The following COPE variants were observed in gnomAD, a reference collection of about 807,000 sequenced individuals.
The protein encoded by COPE is coat protein complex I subunit epsilon.
Under a neutral mutation model 42.1 loss-of-function variants are expected in COPE, and 19 were observed. That is an observed-to-expected ratio of 0.45 (90% confidence interval 0.31 to 0.66). The LOEUF (loss-of-function observed/expected upper bound fraction) is 0.66, where lower values mean the gene tolerates loss of function less well. Ranked by LOEUF, COPE falls within the 30% of genes least tolerant of loss-of-function variation. The pLI is 0.05. For synonymous variants in COPE, 195 were observed against 181.3 expected, an observed-to-expected ratio of 1.08 and a Z score of -0.60; for missense variants, 402 against 416.1, an observed-to-expected ratio of 0.97 and a Z score of 0.30.
intron 1 of COPE, among the ~76,000 whole-genome samples, chr19:18,915,624 G>A (rs2056847881): frequency 6.6e-6 from 1 of 152,218 alleles, no homozygotes; most frequent in South Asian, 2.1e-4. Flanking sequence ...GCCCTAGGAT[G>A]GCCCCAGCAC....
intron 7 of COPE, 133 bp from the exon 8 acceptor site, chr19:18,900,582 G>A (rs528311384): frequency 3.2e-4 from 205 of 636,088 alleles, no homozygotes; most frequent in Non-Finnish European, 5.2e-4. Context: ...ACCGCCCACC[G>A]CTCTGCAAGG....
At chr19:18,915,428 G>T (rs2056846262) in intron 1 of COPE, among the ~76,000 whole-genome samples, 1 of 152,364 alleles carries the variant, frequency 6.6e-6, no homozygotes, top group East Asian at 1.9e-4. Context: ...TGCAGACCGT[G>T]ACCCTGACGT....
chr19:18,910,604 ACTGATGGGAGGGCC>A (rs1304233161), intron 3 of COPE: 1 of 220,608 alleles, frequency 4.5e-6, no homozygotes, highest in Non-Finnish European at 9.3e-6. Context: ...AAATAAGAAA[ACTGATGGGAGGGCC>A]CTGCCCCCGC....
chr19:18,906,649 G>C (rs1180662915), intron 4 of COPE: 1 of 270,746 alleles, frequency 3.7e-6, no homozygotes, highest in African/African-American at 2.2e-5. Flanking sequence ...CCAGGGCCGA[G>C]ACACAGAAGG....
chr19:18,916,944 CAA>C (rs34497308), intron 1 of COPE, among the ~76,000 whole-genome samples: 4,462 of 68,620 alleles, frequency 0.065, 49 homozygotes, highest in East Asian at 0.14. Flanking sequence ...GATCCTGTCT[CAA>C]AAAAAAAAAA....
chr19:18,899,583 C>A lies in COPE; in HGVS notation c.*96G>T, dbSNP rs949124667. On this transcript the variant is annotated 3_prime_UTR_variant, in exon 10 of 10. Coordinates refer to ENST00000262812, the MANE Select transcript of COPE (RefSeq NM_007263.4). ...GGTGCTGGGGGTGGGCTCCTGCCCC[C>A]AGAGGGGATGCAGGTGGATGCCGGG... The A allele has an allele frequency of 2.6e-5, 35 of 1,368,036 alleles. No homozygotes were observed. The South Asian group carries it at 4.0e-4, about 16-fold the overall frequency. 84.7% of individuals were successfully genotyped at this position (1,368,036 alleles called of 1,614,324 possible).
Position 18,911,017 on chromosome 19 carries a change from G to A in COPE, c.244C>T (p.Gln82Ter). 1 of 1,613,984 alleles carries A rather than the reference G, an allele frequency of 6.2e-7. No homozygotes were observed. The highest frequency in any genetic ancestry group is 2.2e-5 in the East Asian group (1 of 44,874). The change falls in exon 3 of 10, where the codon CAG becomes TAG. Residue 82 changes from glutamine to a stop codon, truncating the protein, a stop_gained. Coordinates refer to ENST00000262812, the MANE Select transcript of COPE (RefSeq NM_007263.4). LOFTEE classifies it high-confidence loss of function. ...TAGTCAGCAAACATGCGCACGGCCT[G>A]GAGCTCAGGGGCCGAGGAGGGCTTG... ...EIKPSSAPEL[Q>*]AVRMFADYLA...
intron 9 of COPE, 62 bp from the exon 10 acceptor site, chr19:18,899,788 G>A: frequency 6.2e-7 from 1 of 1,611,042 alleles, no homozygotes; most frequent in Non-Finnish European, 8.5e-7. Flanking sequence ...GGTGGAGGGA[G>A]AGAGAGAGGG....
In COPE at chr19:18,903,420, C is replaced by G. The variant is rs1163188456; in HGVS notation, c.583G>C (p.Gly195Arg). ...TAGTAGGCATCCTGCAGCTTCTCAC[C>G]ACCCTGCAGGGAGGGTCCCGCATCA... ...ATAWVSLATG[G>R]EKLQDAYYIF... Residue 195 changes from glycine (G) to arginine (R), a missense_variant, in exon 7 of 10, where the codon GGT becomes CGT. Coordinates refer to ENST00000262812, the MANE Select transcript of COPE (RefSeq NM_007263.4). 1.2e-6 allele frequency: 2 copies of G among 1,606,916 alleles called. No individual in the cohort carries two copies. Among genetic ancestry groups the G allele is most frequent in the East Asian group, 4.5e-5 (2 of 44,584 alleles).
chr19:18,907,151 G>A (rs1438028094), intron 3 of COPE, 39 bp from the exon 4 acceptor site: 2 of 1,594,386 alleles, frequency 1.3e-6, no homozygotes, highest in Non-Finnish European at 1.7e-6. Flanking sequence ...AGCTGGGGTG[G>A]CCTCTGTGGG....
chr19:18,911,337 C>T (rs753700532), intron 2 of COPE: 24 of 477,920 alleles, frequency 5.0e-5, no homozygotes, highest in Admixed American at 3.3e-4. Flanking sequence ...CCCCTGGCAG[C>T]TGTCCACCTC....
intron 1 of COPE, 60 bp downstream of exon 1, chr19:18,919,163 C>A (rs2145092743): frequency 1.3e-6 from 2 of 1,544,800 alleles, no homozygotes; most frequent in Non-Finnish European, 1.8e-6. Flanking sequence ...CGGCTCGCGG[C>A]CACCAGAAAG....
chr19:18,919,254 T>C lies in COPE; in HGVS notation c.95A>G (p.Gln32Arg), dbSNP rs1248479943. The C allele has an allele frequency of 1.2e-5, 19 of 1,613,818 alleles. No individual in the cohort carries two copies. Among genetic ancestry groups the C allele is most frequent in the Non-Finnish European group, 1.6e-5 (19 of 1,179,976 alleles). The change falls in exon 1 of 10, where the codon CAG becomes CGG. Residue 32 changes from glutamine (Q) to arginine (R), a missense_variant. Physicochemically the swap from Gln to Arg is conservative, Grantham distance 43. Transcript: ENST00000262812. ...VKNAFYIGSY[Q>R]QCINEAQRVK... Reference sequence around the variant, plus strand: ...CCGCTGCGCCTCGTTTATGCACTGCTGGTAGCTGCCGATGTAGAAGGCGTT... The same window carrying C: ...CCGCTGCGCCTCGTTTATGCACTGCCGGTAGCTGCCGATGTAGAAGGCGTT...
chr19:18,907,016 G>C lies in COPE; in HGVS notation c.387C>G (p.His129Gln). The C allele has an allele frequency of 6.3e-7, 1 of 1,595,506 alleles. No individual in the cohort carries two copies. Among genetic ancestry groups the C allele is most frequent in the East Asian group, 2.3e-5 (1 of 44,070 alleles). Reference sequence around the variant, plus strand: ...GCAGGGCGGCATCCGGGTTCTGGTCGTGGAGATAGATGGAGGCGGCCATGA... The same window carrying C: ...GCAGGGCGGCATCCGGGTTCTGGTCCTGGAGATAGATGGAGGCGGCCATGA... ...FLLMAASIYL[H>Q]DQNPDAALRA... is the part of the protein sequence containing the mutation. Residue 129 changes from histidine to glutamine, a missense_variant, in exon 4 of 10, where the codon CAC becomes CAG. Coordinates refer to ENST00000262812, the MANE Select transcript of COPE (RefSeq NM_007263.4).
At chr19:18,911,712 C>G (rs550288220) in intron 2 of COPE, among the ~76,000 whole-genome samples, 2 of 151,534 alleles carry the variant, frequency 1.3e-5, no homozygotes, top group South Asian at 4.2e-4. Context: ...CCACCACGCC[C>G]GGCTAATTTT....
At chr19:18,902,787 AGG>A (rs2056718886) in intron 7 of COPE, among the ~76,000 whole-genome samples, 1 of 94,146 alleles carries the variant, frequency 1.1e-5, no homozygotes, top group African/African-American at 6.2e-5. Flanking sequence ...GAAGGAAGGA[AGG>A]AAGGAAGGAA....
chr19:18,915,644 G>A (rs1286440046), intron 1 of COPE, among the ~76,000 whole-genome samples: 1 of 152,246 alleles, frequency 6.6e-6, no homozygotes, highest in Non-Finnish European at 1.5e-5. Flanking sequence ...CTGGCCCCAG[G>A]TGGCTTAAGA....
chr19:18,910,713 CT>C, intron 3 of COPE: 1 of 548,776 alleles, frequency 1.8e-6, no homozygotes, highest in East Asian at 3.0e-5. Context: ...CAGAGAGTGC[CT>C]TGTGGTCCAT....
intron 3 of COPE, among the ~76,000 whole-genome samples, chr19:18,909,877 C>T (rs916447853): frequency 6.6e-6 from 1 of 152,138 alleles, no homozygotes; most frequent in Non-Finnish European, 1.5e-5. Context: ...TCCAGCATGT[C>T]TTCATCTCCT....
Sources: allele counts gnomAD v4.1 joint callset (sites outside exome capture counted in the v4.1 genomes callset), GRCh38; gene constraint gnomAD v4.1.1; transcripts MANE v1.5; gene names NCBI Gene and HGNC (gene_info 2026-07-23, HGNC 2026-07-21).